The following ANKS1B variants were observed in gnomAD, a reference collection of about 807,000 sequenced individuals.
ANKS1B encodes the protein ankyrin repeat and sterile alpha motif domain-containing protein 1B.
A neutral mutation model predicts 148.3 loss-of-function variants in ANKS1B; 36 were observed. That is an observed-to-expected ratio of 0.24 (90% CI 0.19 to 0.32). ANKS1B has a LOEUF of 0.32. Ranked by LOEUF, ANKS1B falls within the 10% of genes least tolerant of loss-of-function variation. The probability of loss-of-function intolerance (pLI) is 1.00; values close to 1 mark genes in which losing one functional copy is unlikely to be tolerated. For missense variants in ANKS1B, 1,157 were observed against 1,542.6 expected (o/e 0.75, Z 4.19); for synonymous variants, 542 against 560.8 (o/e 0.97, Z 0.47).
rs148663321 is a variant in ANKS1B, at chr12:99,894,669, A to G, written c.135-69280T>C. Among the ~76,000 whole-genome samples the G allele has an allele frequency of 2.7e-3, 392 of 142,562 alleles. 12 individuals are homozygous for G. Among genetic ancestry groups the G allele is most frequent in the Admixed American group, 5.1e-3 (73 of 14,236 alleles). The allele number at this position is 142,562 out of a possible 152,430, so 93.5% of individuals were successfully genotyped here. A position where few individuals can be genotyped will look rare whatever the true frequency, so the allele number is the denominator to read the frequency against. On this transcript the variant is annotated intron_variant, in intron 1 of 26. Coordinates refer to ENST00000683438, the MANE Select transcript of ANKS1B (RefSeq NM_001352186.2). ...TTCAGTACACTATTCAATAAATTAC[A>G]TAAGATATTCCATACTTTATTATAA...
intron 8 of ANKS1B, among the ~76,000 whole-genome samples, chr12:99,770,072 G>T (rs1055107169): frequency 2.0e-5 from 3 of 152,174 alleles, no homozygotes; most frequent in African/African-American, 7.2e-5. Context: ...CATACTATGA[G>T]AAATGTGGCT....
intron 1 of ANKS1B, among the ~76,000 whole-genome samples, chr12:99,982,300 G>A (rs868253030): frequency 2.0e-5 from 3 of 149,142 alleles, no homozygotes; most frequent in Non-Finnish European, 4.4e-5. Context: ...TAAATACTTG[G>A]TGTTTTATCC....
chr12:99,893,219 G>A (rs985447118), intron 1 of ANKS1B, among the ~76,000 whole-genome samples: 16 of 152,000 alleles, frequency 1.1e-4, no homozygotes, highest in Admixed American at 9.8e-4. Flanking sequence ...GACCATCCTG[G>A]ATAACACAGT....
chr12:98,949,705 TGTTAATTCTTTA>T (rs2099851190), intron 17 of ANKS1B: 2 of 152,254 alleles, frequency 1.3e-5, no homozygotes, highest in African/African-American at 4.8e-5. Flanking sequence ...GCCTTCTTTT[TGTTAATTCTTTA>T]GTCTTTAGCT....
At chr12:99,727,862 C>A (rs1268221785) in intron 8 of ANKS1B, among the ~76,000 whole-genome samples, 1 of 152,110 alleles carries the variant, frequency 6.6e-6, no homozygotes, top group Non-Finnish European at 1.5e-5. Flanking sequence ...TGATCTTTGA[C>A]AAACCTGACA....
chr12:99,268,942 T>C (rs1437886389), intron 12 of ANKS1B, among the ~76,000 whole-genome samples: 3 of 152,204 alleles, frequency 2.0e-5, no homozygotes, highest in Admixed American at 1.3e-4. Flanking sequence ...GAAAGCAAAA[T>C]GAAATTTATA....
intron 19 of ANKS1B, among the ~76,000 whole-genome samples, chr12:98,810,180 A>G (rs889051059): frequency 2.6e-5 from 4 of 152,216 alleles, no homozygotes; most frequent in African/African-American, 9.6e-5. Context: ...TGATTCAGTA[A>G]CTTTATCCAA....
In ANKS1B at chr12:99,916,140, T is replaced by C. The variant is rs546954269; in HGVS notation, c.134+67964A>G. On this transcript the variant is annotated intron_variant, in intron 1 of 26. Coordinates refer to ENST00000683438, the MANE Select transcript of ANKS1B (RefSeq NM_001352186.2). ...CAAGAACTAAACAGAAGATCGATGTTCCTTTTCTGGATCTAAGGCAGTTCT... is the reference window on the plus strand; with the variant it reads ...CAAGAACTAAACAGAAGATCGATGTCCCTTTTCTGGATCTAAGGCAGTTCT... Among the ~76,000 whole-genome samples, 4 of 152,314 alleles carry C rather than the reference T, an allele frequency of 2.6e-5. No homozygotes were observed. In the East Asian group the frequency reaches 7.7e-4, roughly 29 times the overall value.
intron 12 of ANKS1B, among the ~76,000 whole-genome samples, chr12:99,340,921 ATTC>A (rs1167325776): frequency 6.6e-6 from 1 of 152,142 alleles, no homozygotes; most frequent in Non-Finnish European, 1.5e-5. Flanking sequence ...TTAGCAGTGT[ATTC>A]TTCTAGATTT....
intron 12 of ANKS1B, among the ~76,000 whole-genome samples, chr12:99,298,903 T>C (rs1212153633): frequency 1.3e-5 from 2 of 152,238 alleles, no homozygotes; most frequent in Non-Finnish European, 1.5e-5. Context: ...TCATTTTCTG[T>C]TTTTATAGAC....
At chr12:98,822,728 G>A (rs2099208715) in intron 19 of ANKS1B, among the ~76,000 whole-genome samples, 2 of 152,146 alleles carry the variant, frequency 1.3e-5, no homozygotes, top group Non-Finnish European at 2.9e-5. Context: ...AAAACGACTG[G>A]AGGTGTTTAG....
At chr12:99,782,744 T>C (rs2064490836) in intron 4 of ANKS1B, among the ~76,000 whole-genome samples, 1 of 152,232 alleles carries the variant, frequency 6.6e-6, no homozygotes, top group African/African-American at 2.4e-5. Flanking sequence ...CAAGAGTAGC[T>C]GATGGATATT....
intron 11 of ANKS1B, among the ~76,000 whole-genome samples, chr12:99,440,913 G>C (rs947840792): frequency 6.6e-6 from 1 of 151,786 alleles, no homozygotes; most frequent in Admixed American, 6.6e-5. Flanking sequence ...AAGTTCTGCC[G>C]TTACCTCACC....
At chr12:99,451,786 C>CGTGT (rs147892225) in intron 10 of ANKS1B, among the ~76,000 whole-genome samples, 3,198 of 150,536 alleles carry the variant, frequency 0.021, 117 homozygotes, top group African/African-American at 0.074. Flanking sequence ...TGTACAGATA[C>CGTGT]GTGTGTGTGT....
At chr12:99,354,317 GA>G (rs1378426353) in intron 12 of ANKS1B, among the ~76,000 whole-genome samples, 1 of 151,952 alleles carries the variant, frequency 6.6e-6, no homozygotes, top group African/African-American at 2.4e-5. Context: ...GTAAAGCCTA[GA>G]AAACATATGA....
intron 1 of ANKS1B, among the ~76,000 whole-genome samples, chr12:99,928,717 T>C (rs1170960673): frequency 6.6e-6 from 1 of 152,212 alleles, no homozygotes; most frequent in Non-Finnish European, 1.5e-5. Flanking sequence ...AGAGAGAATA[T>C]AAAAAGCTAA....
At chr12:99,640,862 T>A (rs2098296250) in intron 9 of ANKS1B, among the ~76,000 whole-genome samples, 1 of 152,196 alleles carries the variant, frequency 6.6e-6, no homozygotes, top group Non-Finnish European at 1.5e-5. Context: ...TAAGGAGTCA[T>A]TACGACTTTT....
chr12:99,150,726 GA>G (rs1022385739), intron 15 of ANKS1B, among the ~76,000 whole-genome samples: 1 of 151,822 alleles, frequency 6.6e-6, no homozygotes, highest in Non-Finnish European at 1.5e-5. Context: ...ACTCCTTGGT[GA>G]AAAAAAATGT....
chr12:99,364,508 C>A (rs2092661962), intron 12 of ANKS1B, among the ~76,000 whole-genome samples: 1 of 152,112 alleles, frequency 6.6e-6, no homozygotes, highest in Admixed American at 6.5e-5. Flanking sequence ...CAACACAGAC[C>A]ATTTTGTACC....
Sources: gnomAD v4.1 joint callset for allele counts (sites outside exome capture counted in the v4.1 genomes callset) on GRCh38, gnomAD v4.1.1 for gene constraint, MANE v1.5 for transcripts, NCBI Gene and HGNC (gene_info 2026-07-23, HGNC 2026-07-21) for gene names.